The following GIGYF2 variants were observed in gnomAD, a reference collection of about 807,000 sequenced individuals.
GIGYF2 encodes the protein GRB10-interacting GYF protein 2.
A neutral mutation model predicts 208.1 loss-of-function variants in GIGYF2; 25 were observed. The observed-to-expected ratio is 0.12, with a 90% CI of 0.09 to 0.17. The LOEUF is 0.17. GIGYF2 is among the 10% of genes least tolerant of loss of function. GIGYF2 has a pLI of 1.00. For missense variants in GIGYF2, 1,302 were observed against 1,579.4 expected (o/e 0.82, Z 2.98); for synonymous variants, 534 against 543.8 (o/e 0.98, Z 0.25).
rs898096877 is a variant in GIGYF2, at chr2:232,714,551, C to T, written c.-44+11062C>T. On this transcript the variant is annotated intron_variant, in intron 2 of 28. Coordinates refer to ENST00000373563, the MANE Select transcript of GIGYF2 (RefSeq NM_001103146.3). ...GTAAAATTTACATACAATAAAATAC[C>T]TTTATTTTAAGTATACTCATTAAGT... is the stretch of plus-strand genomic sequence containing the variant. 3.3e-5 allele frequency among the ~76,000 whole-genome samples: 5 copies of T among 152,026 alleles called. No individual in the cohort carries two copies. In the East Asian group the frequency reaches 9.7e-4, roughly 29 times the overall value.
chr2:232,725,425 A>C (rs1216374720), intron 2 of GIGYF2, among the ~76,000 whole-genome samples: 1 of 152,054 alleles, frequency 6.6e-6, no homozygotes, highest in African/African-American at 2.4e-5. Flanking sequence ...CCTCATTCTT[A>C]GTATATGGTT....
At chr2:232,832,727 C>T in intron 21 of GIGYF2, 130 bp from the exon 22 acceptor site, 1 of 686,966 alleles carries the variant, frequency 1.5e-6, no homozygotes. Context: ...TACCTTGCAT[C>T]ATCATGAACA....
At chr2:232,799,325 C>G (rs1370126306) in intron 14 of GIGYF2, among the ~76,000 whole-genome samples, 1 of 151,720 alleles carries the variant, frequency 6.6e-6, no homozygotes, top group Non-Finnish European at 1.5e-5. Context: ...GGGAGGATTG[C>G]TTGAGCCCAG....
intron 8 of GIGYF2, among the ~76,000 whole-genome samples, chr2:232,774,547 A>T (rs1337560161): frequency 6.6e-6 from 1 of 152,230 alleles, no homozygotes; most frequent in Non-Finnish European, 1.5e-5. Flanking sequence ...TACTGTCATT[A>T]TAAATAAAAT....
At chr2:232,845,494 TTCA>T (rs754366246) in intron 25 of GIGYF2, among the ~76,000 whole-genome samples, 14 of 152,138 alleles carry the variant, frequency 9.2e-5, no homozygotes, top group Non-Finnish European at 1.8e-4. Context: ...TAGGAAGAAT[TTCA>T]TCATTTTTTC....
intron 8 of GIGYF2, chr2:232,776,262 C>T (rs1455574472): frequency 2.1e-6 from 1 of 483,204 alleles, no homozygotes; most frequent in Non-Finnish European, 3.7e-6. Flanking sequence ...TTCAATATGG[C>T]TGTTATTGCA....
intron 4 of GIGYF2, 24 bp from the exon 5 acceptor site, chr2:232,748,963 A>G (rs1247258215): frequency 2.9e-6 from 3 of 1,044,840 alleles, no homozygotes. Context: ...CATTAATCTC[A>G]TAATCATGTG....
intron 8 of GIGYF2, among the ~76,000 whole-genome samples, chr2:232,779,138 T>C (rs538613830): frequency 2.0e-5 from 3 of 152,294 alleles, no homozygotes; most frequent in South Asian, 2.1e-4. Flanking sequence ...CAGAAACTCA[T>C]GGTCCTTCCC....
rs749537217 is a variant in GIGYF2, at chr2:232,790,893, C to G, written c.908C>G (p.Ser303Cys). Residue 303 changes from serine to cysteine, a missense_variant, in exon 10 of 29, where the codon TCT becomes TGT. Coordinates refer to ENST00000373563, the MANE Select transcript of GIGYF2 (RefSeq NM_001103146.3). The stretch of plus-strand genomic sequence containing the variant: ...GAAGAAATGGGTACATTTGACTCAT[C>G]TGGAGCATTCCTTTCTCTAAAAGTA... ...AEEEMGTFDS[S>C]GAFLSLKKVQ... 3.7e-6 allele frequency: 6 copies of G among 1,613,922 alleles called. No homozygotes were observed. The highest frequency in any genetic ancestry group is 1.3e-5 in the African/African-American group (1 of 74,912).
intron 3 of GIGYF2, among the ~76,000 whole-genome samples, chr2:232,745,822 C>A (rs1201711828): frequency 1.3e-5 from 2 of 152,320 alleles, no homozygotes; most frequent in East Asian, 3.9e-4. Flanking sequence ...CATACCACTA[C>A]ATACGAAGTA....
intron 5 of GIGYF2, among the ~76,000 whole-genome samples, chr2:232,755,368 A>G (rs1421539815): frequency 6.6e-6 from 1 of 152,008 alleles, no homozygotes; most frequent in African/African-American, 2.4e-5. Flanking sequence ...ACAGGGTTTC[A>G]CCATCTTGGC....
intron 12 of GIGYF2, among the ~76,000 whole-genome samples, chr2:232,791,875 C>G (rs112030158): frequency 6.6e-6 from 1 of 152,176 alleles, no homozygotes; most frequent in Non-Finnish European, 1.5e-5. Context: ...ATATGTGAAT[C>G]TGTGGCAGAA....
chr2:232,777,244 A>T lies in GIGYF2; in HGVS notation c.533-9906A>T, dbSNP rs1699553010. On this transcript the variant is annotated intron_variant, in intron 8 of 28. Transcript: ENST00000373563. ...AATTTTCTTAAGGCTTATTTTAATG[A>T]TGTTTAGAAGATGTTTTCCTGATCA... 2.0e-5 allele frequency among the ~76,000 whole-genome samples: 3 copies of T among 152,288 alleles called. No individual in the cohort carries two copies. In the South Asian group the frequency reaches 6.2e-4, roughly 32 times the overall value.
chr2:232,805,664 G>T (rs774226206), intron 14 of GIGYF2, among the ~76,000 whole-genome samples: 6 of 152,120 alleles, frequency 3.9e-5, no homozygotes, highest in Admixed American at 6.5e-5. Context: ...GCGATAAAAA[G>T]AAAAAACAGG....
rs1690729477 is a variant in GIGYF2, at chr2:232,860,386, A to G, written c.*3526A>G. On this transcript the variant is annotated 3_prime_UTR_variant, in exon 29 of 29. Coordinates refer to ENST00000373563, the MANE Select transcript of GIGYF2 (RefSeq NM_001103146.3). Reference sequence around the variant, plus strand: ...GAAACCATTGTATTTATACATGCATATATTTTTATATATACAAATATGTAT... The same window carrying G: ...GAAACCATTGTATTTATACATGCATGTATTTTTATATATACAAATATGTAT... The G allele has an allele frequency of 6.7e-6, 1 of 150,220 alleles. No individual in the cohort carries two copies. The allele number at this position is 150,220 out of a possible 1,614,324, so 9.3% of individuals were successfully genotyped here.
intron 2 of GIGYF2, among the ~76,000 whole-genome samples, chr2:232,731,722 A>G (rs1044018762): frequency 5.9e-5 from 9 of 152,220 alleles, no homozygotes; most frequent in African/African-American, 1.9e-4. Context: ...TACCTTGACA[A>G]GTCATTCATT....
At chr2:232,704,426 A>G (rs1231390650) in intron 2 of GIGYF2, among the ~76,000 whole-genome samples, 1 of 152,070 alleles carries the variant, frequency 6.6e-6, no homozygotes, top group African/African-American at 2.4e-5. Flanking sequence ...TGTTTTTTAG[A>G]CAGAGTCTTG....
intron 2 of GIGYF2, among the ~76,000 whole-genome samples, chr2:232,719,522 G>T (rs1696846236): frequency 6.6e-6 from 1 of 152,116 alleles, no homozygotes; most frequent in African/African-American, 2.4e-5. Context: ...GAAGGACCTA[G>T]GTTGATTTCT....
intron 12 of GIGYF2, among the ~76,000 whole-genome samples, chr2:232,794,518 A>G (rs1700164394): frequency 6.6e-6 from 1 of 152,124 alleles, no homozygotes; most frequent in African/African-American, 2.4e-5. Flanking sequence ...AGCCCTGGAG[A>G]AGCACCTTTT....
Sources: allele counts gnomAD v4.1 joint callset (sites outside exome capture counted in the v4.1 genomes callset), GRCh38; gene constraint gnomAD v4.1.1; transcripts MANE v1.5; gene names NCBI Gene and HGNC (gene_info 2026-07-23, HGNC 2026-07-21).